SPATS2L: variants seen among roughly 807,000 people sequenced by gnomAD.
The protein encoded by SPATS2L is spermatogenesis associated serine rich 2 like, also known as SPATS2-like protein.
SPATS2L carries 30 observed loss-of-function variants against 59.6 expected under a neutral mutation model. The ratio of observed to expected loss-of-function variants is 0.50; its 90% CI spans 0.38 to 0.68. The LOEUF is 0.68. Ranked by LOEUF, SPATS2L falls within the 30% of genes least tolerant of loss-of-function variation. SPATS2L has a pLI of 0.00. For synonymous variants in SPATS2L, 252 were observed against 263.5 expected, an observed-to-expected ratio of 0.96 and a Z score of 0.42; for missense variants, 615 against 700.0, an observed-to-expected ratio of 0.88 and a Z score of 1.37.
intron 6 of SPATS2L, among the ~76,000 whole-genome samples, chr2:200,432,819 T>A (rs2084025186): frequency 6.6e-6 from 1 of 152,056 alleles, no homozygotes; most frequent in African/African-American, 2.4e-5. Flanking sequence ...TAGCAACAGT[T>A]CAGACGATGA....
Position 200,473,059 on chromosome 2 carries a change from C to G in SPATS2L, c.1281+7C>G. On this transcript the variant is annotated splice_region_variant and intron_variant, in intron 12 of 12. Coordinates refer to ENST00000409140, the MANE Select transcript of SPATS2L (RefSeq NM_001100423.2). The stretch of plus-strand genomic sequence containing the variant: ...CATGCCGGCCAACAAGCAGGTAAGC[C>G]GACACTGGTGCAGGGTGCCAGAGGA... The G allele has an allele frequency of 6.2e-7, 1 of 1,608,488 alleles. No homozygotes were observed. Among genetic ancestry groups the G allele is most frequent in the Non-Finnish European group, 8.5e-7 (1 of 1,177,014 alleles).
chr2:200,454,555 A>G (rs1290171804), intron 8 of SPATS2L, among the ~76,000 whole-genome samples: 2 of 151,984 alleles, frequency 1.3e-5, no homozygotes, highest in Non-Finnish European at 2.9e-5. Context: ...ATAAAATGAC[A>G]CTTTATCTCT....
intron 5 of SPATS2L, 26 bp from the exon 6 acceptor site, chr2:200,419,224 A>G (rs766094022): frequency 1.9e-6 from 3 of 1,541,390 alleles, no homozygotes; most frequent in Non-Finnish European, 2.6e-6. Flanking sequence ...GTTGAATATT[A>G]TGTTCTCATT....
At chr2:200,455,215 A>G (rs2085751354) in intron 8 of SPATS2L, among the ~76,000 whole-genome samples, 1 of 152,206 alleles carries the variant, frequency 6.6e-6, no homozygotes. Flanking sequence ...CTATCAAGAA[A>G]TTTTTATTGA....
intron 8 of SPATS2L, among the ~76,000 whole-genome samples, chr2:200,457,135 C>A (rs907449662): frequency 6.6e-6 from 1 of 152,050 alleles, no homozygotes; most frequent in African/African-American, 2.4e-5. Context: ...CATATCTCCC[C>A]AACAGCTTGT....
chr2:200,389,287 A>C lies in SPATS2L; in HGVS notation c.39+4A>C, dbSNP rs1185920153. 1.3e-6 allele frequency: 2 copies of C among 1,574,954 alleles called. No homozygotes were observed. Among genetic ancestry groups the C allele is most frequent in the Admixed American group, 1.8e-5 (1 of 55,266 alleles). Reference sequence around the variant, plus strand: ...TCATGTGAATGTCAAGGAAAAGGTAAGATCAAGTTATACGTTGGCTCACAG... The same window carrying C: ...TCATGTGAATGTCAAGGAAAAGGTACGATCAAGTTATACGTTGGCTCACAG... On this transcript the variant is annotated splice_donor_region_variant and intron_variant, in intron 3 of 12. Coordinates refer to ENST00000409140, the MANE Select transcript of SPATS2L (RefSeq NM_001100423.2).
intron 2 of SPATS2L, among the ~76,000 whole-genome samples, chr2:200,371,577 T>G (rs2081427355): frequency 6.6e-6 from 1 of 152,166 alleles, no homozygotes; most frequent in Non-Finnish European, 1.5e-5. Context: ...GGAGTATGTA[T>G]CTCAGGGTGA....
intron 5 of SPATS2L, among the ~76,000 whole-genome samples, chr2:200,417,684 T>C (rs2083122735): frequency 6.6e-6 from 1 of 152,194 alleles, no homozygotes; most frequent in Admixed American, 6.5e-5. Context: ...TGGCCTTGCC[T>C]TCAACCTGGG....
chr2:200,419,558 T>C (rs2083221625), intron 6 of SPATS2L, 62 bp downstream of exon 6: 1 of 1,564,164 alleles, frequency 6.4e-7, no homozygotes, highest in East Asian at 2.3e-5. Context: ...CAAAGGGAGC[T>C]CATTGGGGCT....
chr2:200,383,956 C>T (rs778718677), intron 2 of SPATS2L: 58 of 1,002,084 alleles, frequency 5.8e-5, no homozygotes, highest in South Asian at 9.4e-5. Flanking sequence ...AACTTTATTA[C>T]TGCCTACACA....
At chr2:200,372,238 C>T (rs746753222) in intron 2 of SPATS2L, 3 of 969,422 alleles carry the variant, frequency 3.1e-6, no homozygotes, top group Admixed American at 6.2e-5. Flanking sequence ...AGAGGTCCCC[C>T]ATCTTCCCGA....
intron 3 of SPATS2L, among the ~76,000 whole-genome samples, chr2:200,406,090 A>G (rs535288031): frequency 8.5e-5 from 13 of 152,344 alleles, no homozygotes; most frequent in East Asian, 5.8e-4. Context: ...TGAATCATCT[A>G]CTGAATGCCA....
At chr2:200,422,584 G>A (rs1278649770) in intron 6 of SPATS2L, among the ~76,000 whole-genome samples, 1 of 151,560 alleles carries the variant, frequency 6.6e-6, no homozygotes, top group African/African-American at 2.4e-5. Flanking sequence ...GGTAATGGAA[G>A]GTTAGTAGAT....
chr2:200,474,619 A>G (rs901497343), intron 12 of SPATS2L, among the ~76,000 whole-genome samples: 1 of 152,168 alleles, frequency 6.6e-6, no homozygotes, highest in African/African-American at 2.4e-5. Flanking sequence ...TTCATTATTA[A>G]ATACCATGCT....
chr2:200,354,150 GA>G (rs2080830903), intron 2 of SPATS2L, among the ~76,000 whole-genome samples: 2 of 152,168 alleles, frequency 1.3e-5, no homozygotes, highest in Admixed American at 1.3e-4. Context: ...CCCAAAGAGG[GA>G]AAGATGCATA....
At chr2:200,335,545 G>T (rs1198870083) in intron 2 of SPATS2L, among the ~76,000 whole-genome samples, 1 of 152,170 alleles carries the variant, frequency 6.6e-6, no homozygotes, top group Non-Finnish European at 1.5e-5. Flanking sequence ...TCCTGTTAAT[G>T]AGTTATAGTA....
chr2:200,461,574 A>G (rs1017970749), intron 9 of SPATS2L, among the ~76,000 whole-genome samples: 2 of 152,092 alleles, frequency 1.3e-5, no homozygotes, highest in African/African-American at 4.8e-5. Context: ...CTAAGACCCT[A>G]TTTTCCAGCT....
rs754826654 is a variant in SPATS2L at position 200,469,960 on chromosome 2, C to T, written c.1004C>T (p.Ala335Val). ...TATGACGAGGAGCTCGGGAAAGCTG[C>T]CCGGTTTTCCTGTGACATCGAACAG... Reference protein sequence around the residue: ...RKYDEELGKAARFSCDIEQLK... With the variant: ...RKYDEELGKAVRFSCDIEQLK... Residue 335 changes from alanine (A) to valine (V), a missense_variant, in exon 11 of 13, where the codon GCC (alanine) becomes GTC (valine). Ala to Val is a moderately conservative substitution (Grantham distance 64). Coordinates refer to ENST00000409140, the MANE Select transcript of SPATS2L (RefSeq NM_001100423.2). 8 of 1,612,316 alleles carry T rather than the reference C, an allele frequency of 5.0e-6. No individual in the cohort carries two copies. Among genetic ancestry groups the T allele is most frequent in the Non-Finnish European group, 6.8e-6 (8 of 1,179,252 alleles).
chr2:200,383,057 G>A (rs1020111), intron 2 of SPATS2L, among the ~76,000 whole-genome samples: 74,463 of 151,818 alleles, frequency 0.49, 18,685 homozygotes, highest in Middle Eastern at 0.62. Flanking sequence ...TACCCTGCGG[G>A]GCTTGTTAAG....
Sources: allele counts gnomAD v4.1 joint callset (sites outside exome capture counted in the v4.1 genomes callset), GRCh38; gene constraint gnomAD v4.1.1; transcripts MANE v1.5; gene names NCBI Gene and HGNC (gene_info 2026-07-23, HGNC 2026-07-21).